SHANK2: variants seen among roughly 807,000 people sequenced by gnomAD.
SHANK2 encodes the protein SH3 and multiple ankyrin repeat domains protein 2.
Under a neutral mutation model 133.7 loss-of-function variants are expected in SHANK2, and 43 were observed. The observed-to-expected ratio is 0.32, with a 90% CI of 0.25 to 0.41. The LOEUF is 0.41. SHANK2 is among the 10% of genes least tolerant of loss of function. SHANK2 has a pLI of 1.00. For synonymous variants in SHANK2, 1,017 were observed against 952.8 expected (o/e 1.07, Z -1.24); for missense variants, 1,994 against 2,235.8 (o/e 0.89, Z 2.18).
chr11:70,661,733 G>A (rs200832832), intron 15 of SHANK2, 55 bp from the exon 16 acceptor site: 240 of 1,614,066 alleles, frequency 1.5e-4, no homozygotes, highest in Non-Finnish European at 1.9e-4. Flanking sequence ...CATCATCACC[G>A]CGGCCGCTCC....
At chr11:70,573,517 G>A (rs1457890810) in intron 17 of SHANK2, among the ~76,000 whole-genome samples, 6 of 145,206 alleles carry the variant, frequency 4.1e-5, no homozygotes, top group African/African-American at 1.0e-4. Flanking sequence ...TACCACAGGA[G>A]AGGTTGCCCC....
chr11:70,543,943 A>C (rs4550246), intron 17 of SHANK2, among the ~76,000 whole-genome samples: 39,211 of 152,052 alleles, frequency 0.26, 5,888 homozygotes, highest in East Asian at 0.62. Flanking sequence ...TGGGAACCCC[A>C]CTCATCTGGC....
At chr11:70,593,035 C>T (rs1475537404) in intron 17 of SHANK2, among the ~76,000 whole-genome samples, 2 of 152,192 alleles carry the variant, frequency 1.3e-5, no homozygotes, top group African/African-American at 4.8e-5. Context: ...GCCCTGGCCT[C>T]GCATGAAAAA....
intron 15 of SHANK2, among the ~76,000 whole-genome samples, chr11:70,688,426 C>T (rs541097129): frequency 6.6e-6 from 1 of 152,292 alleles, no homozygotes; most frequent in African/African-American, 2.4e-5. Flanking sequence ...CACCTAATTT[C>T]GCATCACTGA....
At chr11:71,057,106 G>A (rs1251083531) in intron 9 of SHANK2, among the ~76,000 whole-genome samples, 1 of 152,084 alleles carries the variant, frequency 6.6e-6, no homozygotes, top group Non-Finnish European at 1.5e-5. Context: ...AGGTCGAGGT[G>A]GGCCAATCAC....
intron 11 of SHANK2, among the ~76,000 whole-genome samples, chr11:70,862,472 G>C (rs964151595): frequency 6.6e-6 from 1 of 152,216 alleles, no homozygotes; most frequent in South Asian, 2.1e-4. Flanking sequence ...GGTATTTGGA[G>C]CCTGGACTGG....
chr11:70,916,619 A>G (rs1950273887), intron 10 of SHANK2, among the ~76,000 whole-genome samples: 1 of 152,266 alleles, frequency 6.6e-6, no homozygotes, highest in African/African-American at 2.4e-5. Flanking sequence ...ATGATGACCT[A>G]ATTATCCACC....
chr11:70,736,057 G>A (rs1555033469), intron 14 of SHANK2, among the ~76,000 whole-genome samples: 3 of 151,322 alleles, frequency 2.0e-5, no homozygotes, highest in African/African-American at 7.3e-5. Flanking sequence ...ACAAGGATGG[G>A]CAAACTAGAT....
intron 11 of SHANK2, among the ~76,000 whole-genome samples, chr11:70,879,975 A>G (rs1949633770): frequency 6.6e-6 from 1 of 152,192 alleles, no homozygotes; most frequent in Non-Finnish European, 1.5e-5. Context: ...TCCGAGTTTC[A>G]GGACCCTGCT....
At chr11:71,116,560 C>T (rs536346259) in intron 4 of SHANK2, among the ~76,000 whole-genome samples, 15 of 152,346 alleles carry the variant, frequency 9.8e-5, no homozygotes, top group Non-Finnish European at 2.2e-4. Flanking sequence ...CCCGGTCACC[C>T]GGGCAGGAAG....
intron 11 of SHANK2, among the ~76,000 whole-genome samples, chr11:70,823,344 T>C (rs1252726740): frequency 1.3e-3 from 66 of 50,734 alleles, no homozygotes; most frequent in South Asian, 2.3e-3. Flanking sequence ...ACAGAGGTGG[T>C]GTTGGCAGAA....
At chr11:70,597,170 G>T (rs554003130) in intron 17 of SHANK2, among the ~76,000 whole-genome samples, 1 of 152,094 alleles carries the variant, frequency 6.6e-6, no homozygotes, top group Non-Finnish European at 1.5e-5. Flanking sequence ...CAAGGTCACT[G>T]AGCCCATGAT....
intron 5 of SHANK2, 52 bp downstream of exon 5, chr11:71,113,241 A>G: frequency 6.8e-7 from 1 of 1,467,294 alleles, no homozygotes; most frequent in East Asian, 2.5e-5. Context: ...ACAAGATAAC[A>G]AGGAGGACGC....
rs1293097073 is a variant in SHANK2 at position 71,090,442 on chromosome 11, C to CCTGTGTGT, written c.912+1979_912+1980insACACACAG. ...GCCAGGGTTCTCCAGAGAAACACTACGTGTGTGTGTGTGTGTGTGTGTGTG... is the reference window on the plus strand; with the variant it reads ...GCCAGGGTTCTCCAGAGAAACACTACCTGTGTGTGTGTGTGTGTGTGTGTGTGTGTGTG... On this transcript the variant is annotated intron_variant, in intron 8 of 25. Coordinates refer to ENST00000601538, the MANE Select transcript of SHANK2 (RefSeq NM_012309.5). Among the ~76,000 whole-genome samples, 75 of 8,042 alleles carry CCTGTGTGT rather than the reference C, an allele frequency of 9.3e-3. 35 individuals are homozygous for CCTGTGTGT. Among genetic ancestry groups the CCTGTGTGT allele is most frequent in the African/African-American group, 0.034 (69 of 2,056 alleles). The allele number at this position is 8,042 out of a possible 152,430, so 5.3% of individuals were successfully genotyped here. A position where few individuals can be genotyped will look rare whatever the true frequency, so the allele number is the denominator to read the frequency against.
chr11:70,936,917 G>C (rs376421806), intron 10 of SHANK2, among the ~76,000 whole-genome samples: 4 of 152,286 alleles, frequency 2.6e-5, no homozygotes, highest in South Asian at 4.2e-4. Flanking sequence ...CCAGTTCCAA[G>C]TAACCTTCAT....
rs544851774 is a variant in SHANK2 at position 71,242,753 on chromosome 11, A to G, written c.-113+9672T>C. On this transcript the variant is annotated intron_variant, in intron 1 of 25. Transcript: ENST00000601538. The stretch of plus-strand genomic sequence containing the variant: ...GCAGCCTAGCAGACACCTGCAGCAC[A>G]TGCCACAAAAGACGGCAGAATACTC... Among the ~76,000 whole-genome samples the G allele has an allele frequency of 5.3e-5, 8 of 152,360 alleles. No homozygotes were observed. In the East Asian group the frequency reaches 1.3e-3, roughly 26 times the overall value.
At chr11:71,061,900 GA>G (rs1950991096) in intron 9 of SHANK2, among the ~76,000 whole-genome samples, 1 of 151,562 alleles carries the variant, frequency 6.6e-6, no homozygotes, top group African/African-American at 2.4e-5. Context: ...TCCTGATCAT[GA>G]GCCCAAAATT....
chr11:70,711,627 A>G (rs1945786154), intron 14 of SHANK2, among the ~76,000 whole-genome samples: 1 of 151,924 alleles, frequency 6.6e-6, no homozygotes, highest in Non-Finnish European at 1.5e-5. Flanking sequence ...CTTGGGGCCC[A>G]GTCTCTGCTC....
chr11:70,524,917 G>A (rs2059377088), intron 17 of SHANK2, among the ~76,000 whole-genome samples: 1 of 152,234 alleles, frequency 6.6e-6, no homozygotes, highest in Admixed American at 6.5e-5. Context: ...AGGCTTGGCA[G>A]GTCTTTGTGG....
Sources: allele counts gnomAD v4.1 joint callset (sites outside exome capture counted in the v4.1 genomes callset), GRCh38; gene constraint gnomAD v4.1.1; transcripts MANE v1.5; gene names NCBI Gene and HGNC (gene_info 2026-07-23, HGNC 2026-07-21).